YBX1: variants seen among roughly 807,000 people sequenced by gnomAD.
YBX1 encodes Y-box-binding protein 1.
YBX1 carries 3 observed loss-of-function variants against 41.4 expected under a neutral mutation model. That is an observed-to-expected ratio of 0.07 (90% CI 0.03 to 0.19). The LOEUF (loss-of-function observed/expected upper bound fraction) is 0.19. YBX1 is among the 10% of genes least tolerant of loss of function. The probability of loss-of-function intolerance (pLI) is 1.00; values close to 1 mark genes in which losing one functional copy is unlikely to be tolerated. For synonymous variants in YBX1, 133 were observed against 165.8 expected, an observed-to-expected ratio of 0.80 and a Z score of 1.52; for missense variants, 274 against 462.8, an observed-to-expected ratio of 0.59 and a Z score of 3.74.
chr1:42,692,325 A>G (rs1054943730), intron 2 of YBX1, among the ~76,000 whole-genome samples: 5 of 152,150 alleles, frequency 3.3e-5, no homozygotes, highest in African/African-American at 4.8e-5. Context: ...TGTGGTGCCT[A>G]TGGAGTTATG....
rs908648607 is a variant in YBX1, at chr1:42,696,552, CTTTG to C, written c.355-85_355-82del. The C allele has an allele frequency of 1.6e-4, 43 of 266,276 alleles. No individual in the cohort carries two copies. Among genetic ancestry groups the C allele is most frequent in the Non-Finnish European group, 2.8e-4 (40 of 141,752 alleles). 16.5% of individuals were successfully genotyped at this position (266,276 alleles called of 1,614,324 possible). A position where few individuals can be genotyped will look rare whatever the true frequency, so the allele number is the denominator to read the frequency against. ...TTTTCCTTAACTTTGTTGTTTTTTG[CTTTG>C]TTTGAAAATGTTCTGATTTCCTTTT... On this transcript the variant is annotated intron_variant, in intron 4 of 7. Coordinates refer to ENST00000321358, the MANE Select transcript of YBX1 (RefSeq NM_004559.5). This position sits in a 1 kb window ranked among gnomAD's most constrained non-coding sequence, Gnocchi z 5.7.
At chr1:42,691,301 CA>C (rs1004637024) in intron 2 of YBX1, among the ~76,000 whole-genome samples, 1 of 152,144 alleles carries the variant, frequency 6.6e-6, no homozygotes, top group Non-Finnish European at 1.5e-5. Context: ...TATGTACCCA[CA>C]AAACACCTCC....
At chr1:42,691,447 G>A (rs763011735) in intron 2 of YBX1, among the ~76,000 whole-genome samples, 14 of 152,090 alleles carry the variant, frequency 9.2e-5, no homozygotes, top group African/African-American at 1.7e-4. Flanking sequence ...CCTCATTTCC[G>A]GGACTTGAAT....
chr1:42,682,647 G>A lies in YBX1; in HGVS notation c.82G>A (p.Gly28Ser), dbSNP rs1191883925. 9.7e-6 allele frequency: 13 copies of A among 1,339,390 alleles called. No homozygotes were observed. Among genetic ancestry groups the A allele is most frequent in the South Asian group, 1.7e-5 (1 of 57,600 alleles). 83.0% of individuals were successfully genotyped at this position (1,339,390 alleles called of 1,614,324 possible). ...PALSAADTKP[G>S]TTGSGAGSGG... ...CCTCAGCGCCGCCGACACCAAGCCCGGCACTACGGGCAGCGGCGCAGGGAG... is the reference window on the plus strand; with the variant it reads ...CCTCAGCGCCGCCGACACCAAGCCCAGCACTACGGGCAGCGGCGCAGGGAG... The change falls in exon 1 of 8, where the codon GGC (glycine) becomes AGC (serine). Residue 28 changes from glycine (G) to serine (S), a missense_variant. Physicochemically the swap from Gly to Ser is moderately conservative, Grantham distance 56 (BLOSUM62 0). Coordinates refer to ENST00000321358, the MANE Select transcript of YBX1 (RefSeq NM_004559.5).
intron 2 of YBX1, among the ~76,000 whole-genome samples, chr1:42,684,012 T>A (rs1200426537): frequency 6.6e-6 from 1 of 152,224 alleles, no homozygotes; most frequent in Non-Finnish European, 1.5e-5. Context: ...AGAGAACTGT[T>A]TTTATTTGCT....
chr1:42,699,907 G>A (rs76888675), intron 6 of YBX1, among the ~76,000 whole-genome samples: 1,977 of 152,308 alleles, frequency 0.013, 45 homozygotes, highest in African/African-American at 0.045. Flanking sequence ...TGGACTGGGA[G>A]GTCAGTCTGA....
intron 2 of YBX1, among the ~76,000 whole-genome samples, chr1:42,690,438 C>A (rs911116002): frequency 2.1e-4 from 32 of 152,094 alleles, no homozygotes; most frequent in Non-Finnish European, 3.8e-4. Flanking sequence ...TAAGATTCAC[C>A]AGAAGCAAAA....
In YBX1 at chr1:42,696,521, C is replaced by G. The variant is rs1650463455; in HGVS notation, c.355-121C>G. ...TGGTCACGCAGTTGCGCCCCCCCCCCCTTTTTTTTCCTTAACTTTGTTGTT... is the reference window on the plus strand; with the variant it reads ...TGGTCACGCAGTTGCGCCCCCCCCCGCTTTTTTTTCCTTAACTTTGTTGTT... On this transcript the variant is annotated intron_variant, in intron 4 of 7. Transcript: ENST00000321358. This position sits in a 1 kb window ranked among gnomAD's most constrained non-coding sequence, Gnocchi z 5.7. 4 of 726,844 alleles carry G rather than the reference C, an allele frequency of 5.5e-6. No individual in the cohort carries two copies. Among genetic ancestry groups the G allele is most frequent in the Admixed American group, 3.2e-5 (1 of 31,206 alleles). 45.0% of individuals were successfully genotyped at this position (726,844 alleles called of 1,614,324 possible).
intron 6 of YBX1, 148 bp from the exon 7 acceptor site, chr1:42,700,633 C>A (rs927410218): frequency 5.9e-5 from 13 of 219,352 alleles, no homozygotes; most frequent in South Asian, 3.9e-4. Flanking sequence ...AAAAAAAAAA[C>A]CCATCTCTTT....
At chr1:42,694,753 ATGT>A (rs1650418797) in intron 3 of YBX1, among the ~76,000 whole-genome samples, 1 of 152,224 alleles carries the variant, frequency 6.6e-6, no homozygotes, top group Non-Finnish European at 1.5e-5. Context: ...TTCAGACAAA[ATGT>A]TGTTTTAAAG....
At position 42,700,802 on chromosome 1, in the gene YBX1, G is replaced by T. The variant is rs137891444; in HGVS notation, c.762G>T (p.Gln254His). ...RFRRGPPRQR[Q>H]PREDGNEEDK... ...GCAGGGGCCCTCCTCGCCAAAGACA[G>T]CCTAGAGAGGACGGCAATGAAGAAG... Residue 254 changes from glutamine (Q) to histidine (H), a missense_variant, in exon 7 of 8, where the codon CAG becomes CAT. By Grantham distance (24) the Gln-to-His change is conservative (BLOSUM62 0). This residue lies in a region of YBX1 where 187 missense variants were observed against 306.3 expected (regional missense o/e 0.61). Transcript: ENST00000321358. 1 of 1,611,722 alleles carries T rather than the reference G, an allele frequency of 6.2e-7. No individual in the cohort carries two copies. The highest frequency in any genetic ancestry group is 1.3e-5 in the African/African-American group (1 of 74,890).
At chr1:42,683,111 A>T (rs1351704514) in intron 1 of YBX1, 8 of 578,146 alleles carry the variant, frequency 1.4e-5, no homozygotes, top group Middle Eastern at 5.7e-4. Context: ...CGCACCGCCT[A>T]CGCAGGCCGG....
intron 2 of YBX1, among the ~76,000 whole-genome samples, chr1:42,691,896 C>G (rs1395208098): frequency 6.6e-6 from 1 of 152,020 alleles, no homozygotes; most frequent in Non-Finnish European, 1.5e-5. Context: ...GAATCTCACT[C>G]TGTTGCCCAG....
In YBX1 at chr1:42,696,892, A is replaced by G. The variant is rs754634204; in HGVS notation, c.605A>G (p.Tyr202Cys). The G allele has an allele frequency of 1.2e-5, 19 of 1,580,494 alleles. No homozygotes were observed. The highest frequency in any genetic ancestry group is 1.5e-5 in the Non-Finnish European group (18 of 1,162,162). The change falls in exon 5 of 8, where the codon TAT (tyrosine) becomes TGT (cysteine). Residue 202 changes from tyrosine to cysteine, a missense_variant. Coordinates refer to ENST00000321358, the MANE Select transcript of YBX1 (RefSeq NM_004559.5). The surrounding 1 kb of genome is among the most constrained non-coding windows in gnomAD (Gnocchi z 5.7). Reference sequence around the variant, plus strand: ...CCACCTTACTACATGCGGAGACCCTATGGGCGTCGACCACAGTATTCCAAC... The same window carrying G: ...CCACCTTACTACATGCGGAGACCCTGTGGGCGTCGACCACAGTATTCCAAC... Reference protein sequence around the residue: ...RFPPYYMRRPYGRRPQYSNPP... With the variant: ...RFPPYYMRRPCGRRPQYSNPP...
At chr1:42,697,992 A>G (rs1240038663) in intron 6 of YBX1, among the ~76,000 whole-genome samples, 1 of 152,228 alleles carries the variant, frequency 6.6e-6, no homozygotes, top group Admixed American at 6.5e-5. Context: ...GATCCCCAAA[A>G]GCTGACAGGT....
chr1:42,700,624 A>G lies in YBX1; in HGVS notation c.741-157A>G, dbSNP rs547489893. ...CTACTCAGCATCCCCCCCCCCCCAA[A>G]AAAAAAAACCCATCTCTTTACACAA... On this transcript the variant is annotated intron_variant, in intron 6 of 7. Coordinates refer to ENST00000321358, the MANE Select transcript of YBX1 (RefSeq NM_004559.5). 5.2e-4 allele frequency among the ~76,000 whole-genome samples: 64 copies of G among 122,672 alleles called. 1 individual carries two copies. Among genetic ancestry groups the G allele is most frequent in the African/African-American group, 2.1e-3 (64 of 31,108 alleles). The allele number at this position is 122,672 out of a possible 152,430, so 80.5% of individuals were successfully genotyped here.
chr1:42,689,953 AG>A (rs1650289469), intron 2 of YBX1, among the ~76,000 whole-genome samples: 1 of 152,204 alleles, frequency 6.6e-6, no homozygotes, highest in Non-Finnish European at 1.5e-5. Context: ...TACCTACCTT[AG>A]TAATGTAAGT....
intron 2 of YBX1, among the ~76,000 whole-genome samples, chr1:42,692,447 CTGTTT>C (rs1650363706): frequency 6.6e-6 from 1 of 152,118 alleles, no homozygotes; most frequent in South Asian, 2.1e-4. Context: ...TTTACCTGTT[CTGTTT>C]TTTTAATTAT....
chr1:42,689,119 T>A (rs1271571776), intron 2 of YBX1, among the ~76,000 whole-genome samples: 1 of 152,214 alleles, frequency 6.6e-6, no homozygotes, highest in Non-Finnish European at 1.5e-5. Flanking sequence ...CCCCTAGTCC[T>A]GGGGCTGCAG....
Sources: gnomAD v4.1 joint callset for allele counts (sites outside exome capture counted in the v4.1 genomes callset) on GRCh38, gnomAD v4.1.1 for gene constraint, gnomAD v4.1.1 regional missense constraint, Gnocchi (gnomAD v3.1) non-coding constraint, MANE v1.5 for transcripts, NCBI Gene and HGNC (gene_info 2026-07-23, HGNC 2026-07-21) for gene names.